The following PLD5 variants were observed in gnomAD, a reference collection of about 807,000 sequenced individuals.
The protein encoded by PLD5 is inactive phospholipase D5.
Under a neutral mutation model 61.1 loss-of-function variants are expected in PLD5, and 36 were observed. The ratio of observed to expected loss-of-function variants is 0.59; its 90% CI spans 0.45 to 0.78. PLD5 has a LOEUF of 0.78. PLD5 is among the 30% of genes least tolerant of loss of function. The pLI, the probability that PLD5 is intolerant of heterozygous loss-of-function variation, is 0.00. For synonymous variants in PLD5, 243 were observed against 242.8 expected, an observed-to-expected ratio of 1.00 and a Z score of -0.01; for missense variants, 515 against 644.4, an observed-to-expected ratio of 0.80 and a Z score of 2.17.
At chr1:242,228,448 G>A (rs1671093274) in intron 4 of PLD5, among the ~76,000 whole-genome samples, 1 of 152,106 alleles carries the variant, frequency 6.6e-6, no homozygotes, top group African/African-American at 2.4e-5. Context: ...GTCTCTATTT[G>A]GTCACAGCTG....
At chr1:242,220,224 T>A in intron 4 of PLD5, 109 bp from the exon 5 acceptor site, 2 of 1,389,638 alleles carry the variant, frequency 1.4e-6, no homozygotes, top group Non-Finnish European at 2.0e-6. Context: ...CCAATTGACA[T>A]TTAGGAAAGC....
At chr1:242,432,301 A>G (rs990216294) in intron 1 of PLD5, among the ~76,000 whole-genome samples, 1 of 152,226 alleles carries the variant, frequency 6.6e-6, no homozygotes, top group African/African-American at 2.4e-5. Context: ...TTCGGACACT[A>G]CCAAGGATAA....
intron 4 of PLD5, among the ~76,000 whole-genome samples, chr1:242,244,508 T>C (rs1326610958): frequency 6.6e-6 from 1 of 152,244 alleles, no homozygotes; most frequent in Non-Finnish European, 1.5e-5. Flanking sequence ...TCACATTCAC[T>C]TGGCCAAGTA....
At chr1:242,480,473 A>G (rs1667736390) in intron 1 of PLD5, among the ~76,000 whole-genome samples, 1 of 150,204 alleles carries the variant, frequency 6.7e-6, no homozygotes, top group South Asian at 2.1e-4. Flanking sequence ...TATAAACAAC[A>G]ATAACCATTA....
At chr1:242,123,127 G>A (rs1292300974) in intron 6 of PLD5, among the ~76,000 whole-genome samples, 2 of 152,142 alleles carry the variant, frequency 1.3e-5, no homozygotes, top group African/African-American at 2.4e-5. Flanking sequence ...CAATTCTTAA[G>A]TACAGTAAGT....
At position 242,133,991 on chromosome 1, in the gene PLD5, C is replaced by T. The variant is rs145176072; in HGVS notation, c.736-9326G>A. Among the ~76,000 whole-genome samples, 55 of 152,320 alleles carry T rather than the reference C, an allele frequency of 3.6e-4. No individual in the cohort carries two copies. The East Asian group carries it at 0.01, about 28-fold the overall frequency. On this transcript the variant is annotated intron_variant, in intron 5 of 9. Transcript: ENST00000536534. ...TCCTCCTGACCTTCCTGCTTTCTGTCGTCTTAGCTTCTTAATGAGCAGTGA... is the reference window on the plus strand; with the variant it reads ...TCCTCCTGACCTTCCTGCTTTCTGTTGTCTTAGCTTCTTAATGAGCAGTGA...
chr1:242,351,575 C>G (rs1660480254), intron 1 of PLD5, among the ~76,000 whole-genome samples: 1 of 152,166 alleles, frequency 6.6e-6, no homozygotes, highest in South Asian at 2.1e-4. Flanking sequence ...CTTCACTTTC[C>G]ACCATGATTG....
chr1:242,393,653 T>C (rs541751297), intron 1 of PLD5, among the ~76,000 whole-genome samples: 2 of 90,508 alleles, frequency 2.2e-5, no homozygotes, highest in African/African-American at 5.7e-5. Flanking sequence ...TATATATGAG[T>C]ATATATGTGT....
chr1:242,328,527 T>C (rs1451106319), intron 2 of PLD5, among the ~76,000 whole-genome samples: 2 of 152,232 alleles, frequency 1.3e-5, no homozygotes, highest in Non-Finnish European at 2.9e-5. Flanking sequence ...TATTTATGTG[T>C]TCTATAAATA....
intron 5 of PLD5, among the ~76,000 whole-genome samples, chr1:242,163,993 C>CTTAA (rs1394473878): frequency 6.6e-6 from 1 of 151,982 alleles, no homozygotes; most frequent in East Asian, 1.9e-4. Context: ...CCTTCAATTC[C>CTTAA]TTAATTTTGG....
chr1:242,507,988 T>A (rs1015985020), intron 1 of PLD5, among the ~76,000 whole-genome samples: 11 of 104,562 alleles, frequency 1.1e-4, no homozygotes, highest in African/African-American at 4.8e-4. Flanking sequence ...AAGACTTTTT[T>A]AATCTGTTTT....
intron 1 of PLD5, among the ~76,000 whole-genome samples, chr1:242,488,756 T>C (rs1668045273): frequency 6.6e-6 from 1 of 152,112 alleles, no homozygotes; most frequent in African/African-American, 2.4e-5. Context: ...ACTGTATCAA[T>C]ATTGGCTCTT....
chr1:242,272,128 A>G (rs1674125843), intron 3 of PLD5, among the ~76,000 whole-genome samples: 1 of 152,224 alleles, frequency 6.6e-6, no homozygotes, highest in African/African-American at 2.4e-5. Flanking sequence ...AGTAAAAGTT[A>G]TACGAAAAAT....
chr1:242,527,114 CTTTTTTTTTTTTTTTTTTTTTT>C (rs530334746), upstream of PLD5, among the ~76,000 whole-genome samples: 3,425 of 72,268 alleles, frequency 0.047, 246 homozygotes, highest in African/African-American at 0.18. Context: ...CTATCTCCTT[CTTTTTTTTTTTTTTTTTTTTTT>C]TTTTTTTTTT....
chr1:242,437,038 C>T (rs1044288508), intron 1 of PLD5, among the ~76,000 whole-genome samples: 1 of 152,046 alleles, frequency 6.6e-6, no homozygotes, highest in Admixed American at 6.6e-5. Flanking sequence ...AAGTTGAACC[C>T]CTTTGTCAGA....
intron 5 of PLD5, among the ~76,000 whole-genome samples, chr1:242,141,780 C>A (rs1390872794): frequency 2.0e-5 from 3 of 152,132 alleles, no homozygotes; most frequent in Admixed American, 1.3e-4. Context: ...AATGCCAAGG[C>A]AGGTACAGGA....
At chr1:242,192,925 A>AC (rs1668376555) in intron 5 of PLD5, among the ~76,000 whole-genome samples, 1 of 151,830 alleles carries the variant, frequency 6.6e-6, no homozygotes, top group South Asian at 2.1e-4. Context: ...TCTGCAAGCC[A>AC]CGTATTCTTC....
chr1:242,430,130 G>GC (rs1298248838), intron 1 of PLD5, among the ~76,000 whole-genome samples: 2 of 151,780 alleles, frequency 1.3e-5, no homozygotes, highest in African/African-American at 4.8e-5. Context: ...TCAAGCTCCT[G>GC]CATGGATGTC....
At chr1:242,363,712 A>G (rs1661193778) in intron 1 of PLD5, among the ~76,000 whole-genome samples, 1 of 152,186 alleles carries the variant, frequency 6.6e-6, no homozygotes, top group South Asian at 2.1e-4. Context: ...CACAGATATT[A>G]AAACAAATAC....
Sources: allele counts gnomAD v4.1 joint callset (sites outside exome capture counted in the v4.1 genomes callset), GRCh38; gene constraint gnomAD v4.1.1; transcripts MANE v1.5; gene names NCBI Gene and HGNC (gene_info 2026-07-23, HGNC 2026-07-21).